Variants in TOM1L2 observed in about 807,000 individuals in gnomAD.
TOM1L2 encodes target of myb1 like 2 membrane trafficking protein.
TOM1L2 carries 31 observed loss-of-function variants against 67.9 expected under a neutral mutation model. The ratio of observed to expected loss-of-function variants is 0.46; its 90% CI spans 0.34 to 0.62. TOM1L2 has a LOEUF of 0.62. TOM1L2 is among the 20% of genes least tolerant of loss of function. The pLI is 0.01. For synonymous variants in TOM1L2, 256 were observed against 254.0 expected, an observed-to-expected ratio of 1.01 and a Z score of -0.07; for missense variants, 606 against 663.5, an observed-to-expected ratio of 0.91 and a Z score of 0.95.
chr17:17,955,551 G>C (rs778943790), intron 1 of TOM1L2, among the ~76,000 whole-genome samples: 8 of 151,988 alleles, frequency 5.3e-5, no homozygotes, highest in Non-Finnish European at 1.2e-4. Context: ...ATATTGGCCA[G>C]GACAGTCTTG....
At chr17:17,937,001 C>A (rs2040538993) in intron 1 of TOM1L2, among the ~76,000 whole-genome samples, 1 of 152,160 alleles carries the variant, frequency 6.6e-6, no homozygotes, top group African/African-American at 2.4e-5. Context: ...GCCTCTTGTA[C>A]CCTGCCGTGC....
intron 8 of TOM1L2, chr17:17,868,884 G>A (rs2036992704): frequency 6.0e-6 from 1 of 167,482 alleles, no homozygotes; most frequent in Admixed American, 5.6e-5. Context: ...CATTTGCAAA[G>A]GGAAAAGCTT....
At chr17:17,962,503 A>AG (rs1000280460) in intron 1 of TOM1L2, among the ~76,000 whole-genome samples, 17 of 151,938 alleles carry the variant, frequency 1.1e-4, no homozygotes, top group Non-Finnish European at 1.9e-4. Context: ...TAGTAGAGAC[A>AG]GGGTTTCACC....
At chr17:17,907,230 G>A (rs1316758225) in intron 2 of TOM1L2, among the ~76,000 whole-genome samples, 4 of 152,256 alleles carry the variant, frequency 2.6e-5, no homozygotes, top group African/African-American at 9.6e-5. Context: ...ATTAAAGGAG[G>A]TCATCCCTGT....
At chr17:17,898,743 G>A (rs1224923207) in intron 2 of TOM1L2, 69 bp from the exon 3 acceptor site, 4 of 1,493,432 alleles carry the variant, frequency 2.7e-6, no homozygotes, top group Non-Finnish European at 3.7e-6. Flanking sequence ...ACAGATATGT[G>A]AACTAGTATA....
intron 7 of TOM1L2, among the ~76,000 whole-genome samples, chr17:17,870,185 T>A (rs972075332): frequency 3.3e-5 from 5 of 152,124 alleles, no homozygotes; most frequent in Non-Finnish European, 7.4e-5. Context: ...CCCAGGCAGC[T>A]CCCTGGCTGG....
At chr17:17,947,848 C>T (rs8065416) in intron 1 of TOM1L2, among the ~76,000 whole-genome samples, 74,378 of 151,886 alleles carry the variant, frequency 0.49, 19,249 homozygotes, top group East Asian at 0.86. Context: ...TTTTTAATTT[C>T]TTTTGGTAGC....
chr17:17,906,377 C>T (rs1255070379), intron 2 of TOM1L2, among the ~76,000 whole-genome samples: 1 of 152,102 alleles, frequency 6.6e-6, no homozygotes, highest in African/African-American at 2.4e-5. Context: ...AACTGGCCCA[C>T]CTTGGCCTCC....
chr17:17,972,165 C>T, intron 1 of TOM1L2, 97 bp downstream of exon 1: 1 of 1,466,286 alleles, frequency 6.8e-7, no homozygotes, highest in Non-Finnish European at 9.3e-7. Flanking sequence ...CCAGCCCGCT[C>T]GTGAAGTGGC....
intron 3 of TOM1L2, 66 bp downstream of exon 3, chr17:17,898,529 AG>A: frequency 6.5e-7 from 1 of 1,541,714 alleles, no homozygotes; most frequent in South Asian, 1.1e-5. Context: ...AGGCCCTGTG[AG>A]GGGGGCAAGG....
intron 1 of TOM1L2, among the ~76,000 whole-genome samples, chr17:17,967,489 G>A (rs1464692483): frequency 1.3e-5 from 2 of 152,276 alleles, no homozygotes; most frequent in African/African-American, 4.8e-5. Context: ...GGAAGGCTGA[G>A]ATTAAGACAG....
At chr17:17,948,300 C>A (rs535826508) in intron 1 of TOM1L2, among the ~76,000 whole-genome samples, 9 of 152,126 alleles carry the variant, frequency 5.9e-5, no homozygotes, top group Non-Finnish European at 1.2e-4. Context: ...CTGGGGAGGG[C>A]AATAGCCCCC....
chr17:17,965,544 G>A (rs1255973554), intron 1 of TOM1L2, among the ~76,000 whole-genome samples: 1 of 152,132 alleles, frequency 6.6e-6, no homozygotes, highest in Admixed American at 6.5e-5. Context: ...CCCTCCTACA[G>A]TGTTCCTCCT....
intron 7 of TOM1L2, among the ~76,000 whole-genome samples, chr17:17,870,258 C>T (rs2037081413): frequency 6.6e-6 from 1 of 152,196 alleles, no homozygotes; most frequent in South Asian, 2.1e-4. Context: ...TTAGAAGCAA[C>T]ATCCCCGTGA....
At chr17:17,915,308 C>T (rs750461122) in intron 1 of TOM1L2, among the ~76,000 whole-genome samples, 1 of 152,126 alleles carries the variant, frequency 6.6e-6, no homozygotes, top group Non-Finnish European at 1.5e-5. Context: ...AACATCCAGG[C>T]TTTAGAGACA....
At chr17:17,902,961 C>A (rs1315461428) in intron 2 of TOM1L2, among the ~76,000 whole-genome samples, 1 of 152,170 alleles carries the variant, frequency 6.6e-6, no homozygotes, top group Non-Finnish European at 1.5e-5. Flanking sequence ...CAGGCTCGCA[C>A]AATAAGCGAG....
At chr17:17,896,276 C>G (rs923775108) in intron 3 of TOM1L2, among the ~76,000 whole-genome samples, 2 of 151,968 alleles carry the variant, frequency 1.3e-5, no homozygotes, top group African/African-American at 4.8e-5. Context: ...AGGCAGATGG[C>G]AAGAAGTATG....
At chr17:17,915,347 A>C (rs1206312250) in intron 1 of TOM1L2, among the ~76,000 whole-genome samples, 1 of 152,188 alleles carries the variant, frequency 6.6e-6, no homozygotes, top group East Asian at 1.9e-4. Flanking sequence ...GGTACCACCA[A>C]TTCAATGATG....
At chr17:17,966,931 A>G (rs2041893136) in intron 1 of TOM1L2, among the ~76,000 whole-genome samples, 1 of 152,234 alleles carries the variant, frequency 6.6e-6, no homozygotes, top group African/African-American at 2.4e-5. Context: ...GCCCTTGAAC[A>G]TCAGACTCCA....
Sources: gnomAD v4.1 joint callset for allele counts (sites outside exome capture counted in the v4.1 genomes callset) on GRCh38, gnomAD v4.1.1 for gene constraint, MANE v1.5 for transcripts, NCBI Gene and HGNC (gene_info 2026-07-23, HGNC 2026-07-21) for gene names.